Variants in TRPM8 observed in about 807,000 individuals in gnomAD.
The protein encoded by TRPM8 is TRPM8 cationic channel.
TRPM8 carries 110 observed loss-of-function variants against 133.7 expected under a neutral mutation model. The observed-to-expected ratio is 0.82, with a 90% confidence interval of 0.70 to 0.96. The LOEUF (loss-of-function observed/expected upper bound fraction) is 0.96, where lower values mean the gene tolerates loss of function less well. Among genes scored for constraint, TRPM8 ranks in the 40% least tolerant of loss-of-function variants. The probability of loss-of-function intolerance (pLI) is 0.00; values close to 1 mark genes in which losing one functional copy is unlikely to be tolerated. For missense variants in TRPM8, 1,291 were observed against 1,379.5 expected (o/e 0.94, Z 1.02); for synonymous variants, 535 against 532.3 (o/e 1.01, Z -0.07).
rs200135938 is a variant in TRPM8 at position 233,980,204 on chromosome 2, T to C, written c.2372T>C (p.Val791Ala). 1 of 1,602,312 alleles carries C rather than the reference T, an allele frequency of 6.2e-7. No individual in the cohort carries two copies. The highest frequency in any genetic ancestry group is 1.1e-5 in the South Asian group (1 of 88,338). ...DEVRQWYVNG[V>A]NYFTDLWNVM... ...TGTACGCAGTGGTACGTAAATGGGG[T>C]GAATTATTTTACTGACCTGTGGAAT... is the stretch of plus-strand genomic sequence containing the variant. Residue 791 changes from valine to alanine, a missense_variant, in exon 18 of 26, where the codon GTG becomes GCG. Physicochemically the swap from Val to Ala is moderately conservative, Grantham distance 64. Coordinates refer to ENST00000324695, the MANE Select transcript of TRPM8 (RefSeq NM_024080.5).
chr2:234,007,496 G>A (rs1026830446), intron 23 of TRPM8, among the ~76,000 whole-genome samples: 4 of 152,198 alleles, frequency 2.6e-5, no homozygotes, highest in African/African-American at 9.7e-5. Context: ...ACATCTTATA[G>A]AAATAGATAA....
intron 20 of TRPM8, 89 bp from the exon 21 acceptor site, chr2:233,985,599 C>A (rs1475711730): frequency 2.3e-6 from 3 of 1,281,334 alleles, no homozygotes; most frequent in Admixed American, 1.8e-5. Context: ...ATTTCATGAC[C>A]ACTGACATGT....
chr2:233,940,298 T>A (rs1690873486), intron 5 of TRPM8, among the ~76,000 whole-genome samples: 1 of 151,420 alleles, frequency 6.6e-6, no homozygotes, highest in Non-Finnish European at 1.5e-5. Context: ...TTTTTTTTTT[T>A]AATATCAAGA....
intron 3 of TRPM8, among the ~76,000 whole-genome samples, chr2:233,934,664 C>T (rs13028228): frequency 0.11 from 16,973 of 152,240 alleles, 1,163 homozygotes; most frequent in East Asian, 0.33. Flanking sequence ...ATAGAATTTC[C>T]TTGTTGAGTG....
chr2:234,001,984 G>A (rs1193331184), intron 22 of TRPM8, among the ~76,000 whole-genome samples: 1 of 152,184 alleles, frequency 6.6e-6, no homozygotes, highest in Non-Finnish European at 1.5e-5. Context: ...TCATCATCTG[G>A]GGGAGTGGGG....
At chr2:233,993,713 G>T (rs1692337820) in intron 21 of TRPM8, among the ~76,000 whole-genome samples, 1 of 152,156 alleles carries the variant, frequency 6.6e-6, no homozygotes, top group African/African-American at 2.4e-5. Context: ...ACTCTTGTGG[G>T]CTGCGTTTCC....
intron 24 of TRPM8, among the ~76,000 whole-genome samples, chr2:234,010,684 G>C (rs1692817005): frequency 6.6e-6 from 1 of 152,212 alleles, no homozygotes; most frequent in Non-Finnish European, 1.5e-5. Context: ...TAACAGGTGT[G>C]AGGTATGGTC....
At chr2:233,964,244 C>T (rs560727082) in intron 13 of TRPM8, among the ~76,000 whole-genome samples, 30 of 152,188 alleles carry the variant, frequency 2.0e-4, no homozygotes, top group African/African-American at 6.7e-4. Flanking sequence ...GACTTGACCA[C>T]TTCAAGGGAT....
intron 7 of TRPM8, chr2:233,946,301 GTCT>G (rs771318796): frequency 5.9e-6 from 2 of 337,770 alleles, no homozygotes; most frequent in Non-Finnish European, 1.1e-5. Flanking sequence ...AAAGCTGGCT[GTCT>G]TCTTCTGGTA....
At chr2:233,927,929 TC>T (rs1691595284) in intron 2 of TRPM8, among the ~76,000 whole-genome samples, 2 of 49,472 alleles carry the variant, frequency 4.0e-5, no homozygotes, top group Admixed American at 2.1e-4. Context: ...TCTCTTTCTC[TC>T]TCTCTCTCTC....
intron 21 of TRPM8, among the ~76,000 whole-genome samples, chr2:233,988,984 G>A (rs1341059210): frequency 1.3e-5 from 2 of 152,150 alleles, no homozygotes; most frequent in African/African-American, 4.8e-5. Context: ...AGCTACACTG[G>A]ATAGTCCTGT....
chr2:233,928,754 CTT>C (rs1691621356), intron 2 of TRPM8, among the ~76,000 whole-genome samples: 1 of 152,194 alleles, frequency 6.6e-6, no homozygotes, highest in Non-Finnish European at 1.5e-5. Context: ...AAAGAATGCT[CTT>C]GTGCCCACCA....
In TRPM8 at chr2:233,966,771, C is replaced by T. The variant is rs1423592087; in HGVS notation, c.2025+16C>T. Reference sequence around the variant, plus strand: ...TGGGGTCCAGGTAAACCATACTCAGCCACCAGACCACACGGCCAGAAATGG... The same window carrying T: ...TGGGGTCCAGGTAAACCATACTCAGTCACCAGACCACACGGCCAGAAATGG... On this transcript the variant is annotated intron_variant, in intron 15 of 25. Coordinates refer to ENST00000324695, the MANE Select transcript of TRPM8 (RefSeq NM_024080.5). 6.6e-7 allele frequency: 1 copy of T among 1,521,406 alleles called. No homozygotes were observed. The allele number at this position is 1,521,406 out of a possible 1,614,324, so 94.2% of individuals were successfully genotyped here. A position where few individuals can be genotyped will look rare whatever the true frequency, so the allele number is the denominator to read the frequency against.
At chr2:233,970,572 T>G (rs755133577) in intron 17 of TRPM8, 146 bp downstream of exon 17, 17 of 732,194 alleles carry the variant, frequency 2.3e-5, no homozygotes, top group Non-Finnish European at 3.2e-5. Flanking sequence ...AGTCCATGAG[T>G]GTGAAGGTGC....
chr2:233,929,002 TTTTTTTA>T (rs1047975584), intron 2 of TRPM8, among the ~76,000 whole-genome samples: 4 of 135,434 alleles, frequency 3.0e-5, no homozygotes, highest in African/African-American at 1.2e-4. Context: ...CTTTTCTTTT[TTTTTTTA>T]TTTTTTTGCT....
intron 18 of TRPM8, 63 bp downstream of exon 18, chr2:233,980,342 C>T: frequency 8.8e-7 from 1 of 1,130,696 alleles, no homozygotes; most frequent in Non-Finnish European, 1.3e-6. Flanking sequence ...GAGAAAAGCT[C>T]TGCAGACATT....
intron 4 of TRPM8, 24 bp from the exon 5 acceptor site, chr2:233,938,974 A>T: frequency 6.2e-7 from 1 of 1,613,442 alleles, no homozygotes; most frequent in South Asian, 1.1e-5. Context: ...GCCTATCCTG[A>T]TACTTCTGCT....
rs187302878 is a variant in TRPM8 at position 233,943,525 on chromosome 2, T to G, written c.699+777T>G. Among the ~76,000 whole-genome samples the G allele has an allele frequency of 7.2e-5, 11 of 152,280 alleles. No individual in the cohort carries two copies. In the East Asian group the frequency reaches 2.1e-3, roughly 29 times the overall value. On this transcript the variant is annotated intron_variant, in intron 6 of 25. Transcript: ENST00000324695. ...TAGGTGGGAATTGAACAATGAGAAC[T>G]GCAATATCTTGATTGCTTGGCTACA...
rs1374130211 is a variant in TRPM8, at chr2:233,976,503, G to A, written c.2356-3685G>A. On this transcript the variant is annotated intron_variant, in intron 17 of 25. Coordinates refer to ENST00000324695, the MANE Select transcript of TRPM8 (RefSeq NM_024080.5). Reference sequence around the variant, plus strand: ...AGGGGCAGGTGCGCAGGAGAACTGAGGAAGGACAACGTGCTGTGAGTAATT... The same window carrying A: ...AGGGGCAGGTGCGCAGGAGAACTGAAGAAGGACAACGTGCTGTGAGTAATT... Among the ~76,000 whole-genome samples, 3 of 152,294 alleles carry A rather than the reference G, an allele frequency of 2.0e-5. No homozygotes were observed. In the East Asian group the frequency reaches 5.8e-4, roughly 29 times the overall value.
Sources: gnomAD v4.1 joint callset for allele counts (sites outside exome capture counted in the v4.1 genomes callset) on GRCh38, gnomAD v4.1.1 for gene constraint, MANE v1.5 for transcripts, NCBI Gene and HGNC (gene_info 2026-07-23, HGNC 2026-07-21) for gene names.